Variants in MAPK4 observed in about 807,000 individuals in gnomAD.
MAPK4 encodes mitogen-activated protein kinase 4.
MAPK4 carries 22 observed loss-of-function variants against 47.7 expected under a neutral mutation model. The ratio of observed to expected loss-of-function variants is 0.46; its 90% confidence interval spans 0.33 to 0.66. The LOEUF (loss-of-function observed/expected upper bound fraction) is 0.66, where lower values mean the gene tolerates loss of function less well. MAPK4 is among the 30% of genes least tolerant of loss of function. The pLI, the probability that MAPK4 is intolerant of heterozygous loss-of-function variation, is 0.02. For missense variants in MAPK4, 736 were observed against 831.7 expected, an observed-to-expected ratio of 0.88 and a Z score of 1.42; for synonymous variants, 390 against 365.7, an observed-to-expected ratio of 1.07 and a Z score of -0.76.
At chr18:50,679,605 GAC>G in intron 2 of MAPK4, among the ~76,000 whole-genome samples, 1 of 152,192 alleles carries the variant, frequency 6.6e-6, no homozygotes, top group Non-Finnish European at 1.5e-5. Context: ...GCTAATGAGA[GAC>G]AGAGCTGGGA....
intron 1 of MAPK4, among the ~76,000 whole-genome samples, chr18:50,575,984 C>T (rs924002469): frequency 1.3e-5 from 2 of 152,020 alleles, no homozygotes; most frequent in South Asian, 2.1e-4. Flanking sequence ...ATTAAAAAGT[C>T]GAAAAATAAC....
At chr18:50,632,514 A>G (rs912681997) in intron 1 of MAPK4, among the ~76,000 whole-genome samples, 4 of 150,422 alleles carry the variant, frequency 2.7e-5, no homozygotes, top group Non-Finnish European at 5.9e-5. Flanking sequence ...GCATTCTTTC[A>G]TGTTCTGTCA....
intron 2 of MAPK4, among the ~76,000 whole-genome samples, chr18:50,690,079 C>T (rs1414066381): frequency 2.0e-5 from 3 of 152,132 alleles, no homozygotes; most frequent in African/African-American, 7.2e-5. Flanking sequence ...TGGCTTTTCC[C>T]TCTCACCTGA....
intron 1 of MAPK4, among the ~76,000 whole-genome samples, chr18:50,598,918 C>T (rs773105307): frequency 1.1e-4 from 17 of 152,120 alleles, no homozygotes; most frequent in Middle Eastern, 3.2e-3. Context: ...ACCCTCTTGT[C>T]ATGTCATATC....
intron 4 of MAPK4, among the ~76,000 whole-genome samples, chr18:50,725,048 G>A (rs1911121307): frequency 6.6e-6 from 1 of 152,206 alleles, no homozygotes; most frequent in Non-Finnish European, 1.5e-5. Context: ...TGTGTGCAGA[G>A]CTGCTATCTG....
chr18:50,640,711 C>A (rs1465073332), intron 1 of MAPK4, among the ~76,000 whole-genome samples: 1 of 152,170 alleles, frequency 6.6e-6, no homozygotes, highest in African/African-American at 2.4e-5. Flanking sequence ...GGTGATCCAC[C>A]CGCCTTGGCC....
intron 2 of MAPK4, among the ~76,000 whole-genome samples, chr18:50,683,453 GGTGTGTGTGTGT>G (rs3045776): frequency 4.9e-5 from 7 of 142,152 alleles, no homozygotes; most frequent in South Asian, 4.6e-4. Flanking sequence ...TTGGTGATGG[GGTGTGTGTGTGT>G]GTGTGTGTGT....
Position 50,729,371 on chromosome 18 carries a change from C to A in MAPK4, c.1281C>A (p.Ser427=), listed in dbSNP as rs1487735312. 2.5e-6 allele frequency: 4 copies of A among 1,574,726 alleles called. No homozygotes were observed. The highest frequency in any genetic ancestry group is 1.7e-4 in the Middle Eastern group (1 of 6,026). The change falls in exon 6 of 6, where the codon TCC becomes TCA. Residue 427 remains serine, a synonymous_variant. Transcript: ENST00000400384. ...CCTTCGAGGCCGACTACGGGCGCTC[C>A]TGCGACTACAAGGTGGGGTCGCCGT... ...ERAFEADYGR[S]CDYKVGSPSY...
intron 1 of MAPK4, among the ~76,000 whole-genome samples, chr18:50,590,564 A>G (rs144993222): frequency 5.3e-5 from 8 of 152,370 alleles, no homozygotes; most frequent in African/African-American, 1.9e-4. Context: ...ACCTTTCTCA[A>G]TAGCAATTAA....
At chr18:50,583,038 T>A (rs1423503363) in intron 1 of MAPK4, among the ~76,000 whole-genome samples, 1 of 152,146 alleles carries the variant, frequency 6.6e-6, no homozygotes, top group Non-Finnish European at 1.5e-5. Context: ...CCACAGCTCA[T>A]TGAGTTCTGG....
rs1911234090 is a variant in MAPK4 at position 50,726,915 on chromosome 18, G to A, written c.1067+740G>A. Among the ~76,000 whole-genome samples the A allele has an allele frequency of 2.0e-5, 3 of 152,084 alleles. No individual in the cohort carries two copies. In the South Asian group the frequency reaches 6.2e-4, roughly 31 times the overall value. On this transcript the variant is annotated intron_variant, in intron 5 of 5. Coordinates refer to ENST00000400384, the MANE Select transcript of MAPK4 (RefSeq NM_002747.4). ...TTATTATTGCCCATTGACACACAAGGAAGCTTCAGCTGCAAGGTTAAGAGA... is the reference window on the plus strand; with the variant it reads ...TTATTATTGCCCATTGACACACAAGAAAGCTTCAGCTGCAAGGTTAAGAGA...
In MAPK4 at chr18:50,617,967, G is replaced by C. The variant is rs971647749; in HGVS notation, c.-870-45122G>C. ...CATGTCCCATGACAGGGAACTCACT[G>C]CTTTATTAGGAATCAGCCATTCTTT... On this transcript the variant is annotated intron_variant, in intron 1 of 5. Coordinates refer to ENST00000400384, the MANE Select transcript of MAPK4 (RefSeq NM_002747.4). 2.0e-5 allele frequency among the ~76,000 whole-genome samples: 3 copies of C among 152,200 alleles called. No individual in the cohort carries two copies. In the South Asian group the frequency reaches 6.2e-4, roughly 31 times the overall value.
At chr18:50,634,485 T>C (rs2042863474) in intron 1 of MAPK4, among the ~76,000 whole-genome samples, 1 of 152,168 alleles carries the variant, frequency 6.6e-6, no homozygotes, top group Non-Finnish European at 1.5e-5. Flanking sequence ...TCCCTTGGCG[T>C]TTATTTTGTT....
At chr18:50,572,541 A>G (rs2042258814) in intron 1 of MAPK4, among the ~76,000 whole-genome samples, 2 of 152,182 alleles carry the variant, frequency 1.3e-5, no homozygotes, top group Admixed American at 6.5e-5. Flanking sequence ...ATTTGTTAAT[A>G]CTGAAACCCC....
chr18:50,617,775 T>G (rs1224854171), intron 1 of MAPK4, among the ~76,000 whole-genome samples: 1 of 152,214 alleles, frequency 6.6e-6, no homozygotes, highest in Non-Finnish European at 1.5e-5. Flanking sequence ...TACTACTACT[T>G]GTAAGAAGAC....
At chr18:50,685,167 G>A (rs997918028) in intron 2 of MAPK4, among the ~76,000 whole-genome samples, 5 of 152,226 alleles carry the variant, frequency 3.3e-5, no homozygotes, top group African/African-American at 1.2e-4. Flanking sequence ...AAGTGACCAG[G>A]AGCAAACATT....
At chr18:50,625,495 A>G (rs2042769315) in intron 1 of MAPK4, among the ~76,000 whole-genome samples, 1 of 152,142 alleles carries the variant, frequency 6.6e-6, no homozygotes, top group Non-Finnish European at 1.5e-5. Flanking sequence ...GCAAATGTGT[A>G]TTGGGCTCTT....
At chr18:50,646,226 TC>T (rs1294465015) in intron 1 of MAPK4, among the ~76,000 whole-genome samples, 4 of 152,232 alleles carry the variant, frequency 2.6e-5, no homozygotes, top group Non-Finnish European at 2.9e-5. Flanking sequence ...TAGAGTCACC[TC>T]CCCTTAGAGA....
chr18:50,587,315 A>C (rs2042397335), intron 1 of MAPK4, among the ~76,000 whole-genome samples: 1 of 152,252 alleles, frequency 6.6e-6, no homozygotes, highest in Non-Finnish European at 1.5e-5. Flanking sequence ...CAGCTAGAAC[A>C]TGCCATCTGC....
Sources: allele counts gnomAD v4.1 joint callset (sites outside exome capture counted in the v4.1 genomes callset), GRCh38; gene constraint gnomAD v4.1.1; transcripts MANE v1.5; gene names NCBI Gene and HGNC (gene_info 2026-07-23, HGNC 2026-07-21).